The following RTL9 variants were observed in gnomAD, a reference collection of about 807,000 sequenced individuals.
RTL9 encodes the protein retrotransposon Gag-like protein 9.
A neutral mutation model predicts 44.7 loss-of-function variants in RTL9; 19 were observed. That is an observed-to-expected ratio of 0.42 (90% confidence interval 0.30 to 0.62). RTL9 has a LOEUF of 0.62. RTL9 is among the 20% of genes least tolerant of loss of function. RTL9 has a pLI of 0.16. For missense variants in RTL9, 1,105 were observed against 1,080.6 expected (o/e 1.02, Z -0.32); for synonymous variants, 407 against 398.9 (o/e 1.02, Z -0.24).
intron 1 of RTL9, among the ~76,000 whole-genome samples, chrX:110,365,458 C>G (rs1418394287): frequency 8.9e-6 from 1 of 112,125 alleles, no homozygotes. Context: ...GTTCATGTGA[C>G]AATATCATTT....
At chrX:110,386,076 A>T (rs895782399) in intron 1 of RTL9, among the ~76,000 whole-genome samples, 17 of 111,805 alleles carry the variant, frequency 1.5e-4, no homozygotes, top group African/African-American at 5.5e-4. Flanking sequence ...AGTATGAATA[A>T]CACTGCTATC....
intron 1 of RTL9, among the ~76,000 whole-genome samples, chrX:110,363,540 C>T (rs1176334710): frequency 9.0e-6 from 1 of 111,700 alleles, no homozygotes; most frequent in Non-Finnish European, 1.9e-5. Context: ...CTGGGAAAGT[C>T]CATATAACTA....
At chrX:110,444,019 T>C (rs2068896082) in intron 1 of RTL9, among the ~76,000 whole-genome samples, 1 of 112,159 alleles carries the variant, frequency 8.9e-6, no homozygotes, top group Non-Finnish European at 1.9e-5. Flanking sequence ...ACTCTGGCAA[T>C]GGTATTCAGC....
At chrX:110,453,889 T>C in exon 1 of RTL9, 1 of 1,211,369 alleles carries the variant, frequency 8.3e-7, no homozygotes, top group Non-Finnish European at 1.1e-6. Flanking sequence ...GCCTTTGGAG[T>C]GATGTCCACT....
At chrX:110,448,085 T>A (rs1011789636), upstream of RTL9, among the ~76,000 whole-genome samples, 4 of 112,323 alleles carry the variant, frequency 3.6e-5, no homozygotes, top group Non-Finnish European at 7.5e-5. Flanking sequence ...GCCTTTCTGT[T>A]GAATCCTAGC....
chrX:110,438,604 C>T (rs2148338816), intron 1 of RTL9, among the ~76,000 whole-genome samples: 1 of 111,464 alleles, frequency 9.0e-6, no homozygotes, highest in South Asian at 3.8e-4. Context: ...GAAACAAATT[C>T]CTCCCGAGAC....
chrX:110,409,072 C>G (rs2068623123), intron 1 of RTL9, among the ~76,000 whole-genome samples: 1 of 111,480 alleles, frequency 9.0e-6, no homozygotes, highest in South Asian at 3.8e-4. Context: ...TCCGTTTGGC[C>G]TAATTAACTG....
intron 1 of RTL9, among the ~76,000 whole-genome samples, chrX:110,362,893 T>G (rs1375110229): frequency 1.8e-5 from 2 of 112,108 alleles, no homozygotes; most frequent in African/African-American, 3.2e-5. Flanking sequence ...ATTTAATTCT[T>G]ATAAAACACC....
upstream of RTL9, among the ~76,000 whole-genome samples, chrX:110,414,447 C>T (rs2068663088): frequency 8.9e-6 from 1 of 112,472 alleles, no homozygotes; most frequent in Non-Finnish European, 1.9e-5. Context: ...TGATATGTAT[C>T]GAGTGTCTTC....
chrX:110,434,850 G>T (rs1250629878), intron 1 of RTL9, among the ~76,000 whole-genome samples: 2 of 110,267 alleles, frequency 1.8e-5, no homozygotes, highest in African/African-American at 3.3e-5. Context: ...CTCATCCAGG[G>T]CAAGGGCTAG....
chrX:110,427,562 GC>G (rs1162112412), intron 1 of RTL9, among the ~76,000 whole-genome samples: 2 of 111,868 alleles, frequency 1.8e-5, no homozygotes, highest in African/African-American at 6.5e-5. Flanking sequence ...AATGGAGGGA[GC>G]TTTTAAAAGT....
At chrX:110,378,814 G>A (rs1211143757) in intron 1 of RTL9, among the ~76,000 whole-genome samples, 2 of 110,744 alleles carry the variant, frequency 1.8e-5, no homozygotes, top group Middle Eastern at 8.4e-3. Flanking sequence ...CCCGACCCCC[G>A]CTGCCCACTG....
chrX:110,438,829 T>C (rs55782092), intron 1 of RTL9, among the ~76,000 whole-genome samples: 29,698 of 111,512 alleles, frequency 0.27, 4,034 homozygotes, highest in Non-Finnish European at 0.41. Context: ...TCTTATCCTT[T>C]GCCTTTGCTA....
At chrX:110,412,356 A>G (rs2068646935) in intron 1 of RTL9, among the ~76,000 whole-genome samples, 1 of 112,399 alleles carries the variant, frequency 8.9e-6, no homozygotes, top group African/African-American at 3.2e-5. Context: ...GAAAAAACTA[A>G]ATGACCTCGG....
intron 1 of RTL9, among the ~76,000 whole-genome samples, chrX:110,371,837 G>T (rs2068340784): frequency 9.0e-6 from 1 of 111,041 alleles, no homozygotes; most frequent in South Asian, 3.9e-4. Context: ...GTCTCAGGGT[G>T]GTAAGTGCTC....
chrX:110,408,546 T>C (rs73636963), intron 1 of RTL9, among the ~76,000 whole-genome samples: 12,149 of 112,017 alleles, frequency 0.11, 1,611 homozygotes, highest in African/African-American at 0.37. Context: ...TACCTAAGCA[T>C]AAAGGGTTTT....
intron 1 of RTL9, among the ~76,000 whole-genome samples, chrX:110,441,965 G>T (rs1172900378): frequency 9.0e-6 from 1 of 111,404 alleles, no homozygotes; most frequent in African/African-American, 3.3e-5. Context: ...TAAATCACTT[G>T]CCCAGGGTCC....
chrX:110,450,343 A>G (rs138087402), upstream of RTL9, among the ~76,000 whole-genome samples: 118 of 111,658 alleles, frequency 1.1e-3, no homozygotes, highest in East Asian at 0.023. Flanking sequence ...TAGCATTTAC[A>G]AACTGAGAGG....
At chrX:110,430,476 G>T (rs892839034) in intron 1 of RTL9, among the ~76,000 whole-genome samples, 1 of 112,062 alleles carries the variant, frequency 8.9e-6, no homozygotes. Context: ...CTTGGCCAAG[G>T]TCACATAGCT....
Sources: allele counts gnomAD v4.1 joint callset (sites outside exome capture counted in the v4.1 genomes callset), GRCh38; gene constraint gnomAD v4.1.1; transcripts MANE v1.5; gene names NCBI Gene and HGNC (gene_info 2026-07-23, HGNC 2026-07-21).